The following PLEKHO1 variants were observed in gnomAD, a reference collection of about 807,000 sequenced individuals.
PLEKHO1 encodes pleckstrin homology domain-containing family O member 1.
In PLEKHO1, 22 loss-of-function variants were observed where a neutral mutation model predicts 41.4. The observed-to-expected ratio is 0.53, with a 90% CI of 0.38 to 0.76. PLEKHO1 has a LOEUF of 0.76. Ranked by LOEUF, PLEKHO1 falls within the 30% of genes least tolerant of loss-of-function variation. The pLI is 0.00. For synonymous variants in PLEKHO1, 225 were observed against 210.8 expected (o/e 1.07, Z -0.58); for missense variants, 488 against 518.3 (o/e 0.94, Z 0.57).
rs1163837731 is a variant in PLEKHO1, at chr1:150,159,712, A to C, written c.*189A>C. The C allele has an allele frequency of 1.9e-6, 1 of 515,030 alleles. No homozygotes were observed. The highest frequency in any genetic ancestry group is 1.9e-5 in the African/African-American group (1 of 52,800). The allele number at this position is 515,030 out of a possible 1,614,324, so 31.9% of individuals were successfully genotyped here. A position where few individuals can be genotyped will look rare whatever the true frequency, so the allele number is the denominator to read the frequency against. On this transcript the variant is annotated 3_prime_UTR_variant, in exon 6 of 6. Coordinates refer to ENST00000369124, the MANE Select transcript of PLEKHO1 (RefSeq NM_016274.6). ...TCCATATGCCCCTCGTATGCCCCTC[A>C]GGTTTGAGGAAGTGACCCCGCAGCA...
intron 3 of PLEKHO1, 48 bp from the exon 4 acceptor site, chr1:150,156,863 G>C (rs782804790): frequency 9.6e-7 from 1 of 1,044,410 alleles, no homozygotes; most frequent in South Asian, 1.3e-5. Flanking sequence ...GTCAAGGTGA[G>C]GCACCACCTC....
chr1:150,155,498 A>G (rs757847095), intron 2 of PLEKHO1: 2 of 152,326 alleles, frequency 1.3e-5, no homozygotes, highest in African/African-American at 4.8e-5. Flanking sequence ...TGAAATGAAC[A>G]AGGAAGATGA....
chr1:150,156,328 C>T (rs1660166799), intron 3 of PLEKHO1, 122 bp downstream of exon 3: 1 of 797,662 alleles, frequency 1.3e-6, no homozygotes, highest in East Asian at 2.6e-5. Flanking sequence ...AATTGCTCTC[C>T]TGCTGGCTTT....
chr1:150,158,990 T>G lies in PLEKHO1; in HGVS notation c.697T>G (p.Ser233Ala). Residue 233 changes from serine (S) to alanine (A), a missense_variant, in exon 6 of 6, where the codon TCC (serine) becomes GCC (alanine). By Grantham distance (99) the Ser-to-Ala change is moderately conservative. This residue lies in a region of PLEKHO1 where 337 missense variants were observed against 324.6 expected (regional missense o/e 1.04). Coordinates refer to ENST00000369124, the MANE Select transcript of PLEKHO1 (RefSeq NM_016274.6). The stretch of plus-strand genomic sequence containing the variant: ...AGCGGACTCAGACCGCATCCAGCCC[T>G]CCGCAGACCGGGCAAGCAGTCTCTC... ...RRADSDRIQP[S>A]ADRASSLSRP... 2 of 1,613,840 alleles carry G rather than the reference T, an allele frequency of 1.2e-6. No individual in the cohort carries two copies. Among genetic ancestry groups the G allele is most frequent in the Non-Finnish European group, 1.7e-6 (2 of 1,179,964 alleles).
In PLEKHO1 at chr1:150,159,086, GAGAA is replaced by G. The variant is rs782220761; in HGVS notation, c.796_799del (p.Lys266AlafsTer46). On this transcript the variant is annotated frameshift_variant, in exon 6 of 6. Coordinates refer to ENST00000369124, the MANE Select transcript of PLEKHO1 (RefSeq NM_016274.6). LOFTEE classifies it high-confidence loss of function. ...GGCACCCAAGAAGTTGACGCCCACA[GAGAA>G]AGGCCGCTGCGCCTCCCTGGAGGAG... 2 of 1,614,046 alleles carry G rather than the reference GAGAA, an allele frequency of 1.2e-6. No homozygotes were observed. The highest frequency in any genetic ancestry group is 8.5e-7 in the Non-Finnish European group (1 of 1,179,982).
intron 2 of PLEKHO1, among the ~76,000 whole-genome samples, chr1:150,153,311 C>G (rs922063501): frequency 6.6e-6 from 1 of 152,090 alleles, no homozygotes. Flanking sequence ...CCTCAGCCTC[C>G]GGAGTAGCTG....
intron 5 of PLEKHO1, among the ~76,000 whole-genome samples, chr1:150,158,303 A>G (rs1232831692): frequency 6.6e-6 from 1 of 152,188 alleles, no homozygotes; most frequent in Admixed American, 6.5e-5. Flanking sequence ...ACAGGAAACA[A>G]GTAACAAACT....
At chr1:150,155,824 C>T in intron 2 of PLEKHO1, 1 of 402,278 alleles carries the variant, frequency 2.5e-6, no homozygotes, top group Admixed American at 4.3e-5. Flanking sequence ...GGCAGCCTGG[C>T]TAAGGAGAGT....
Position 150,158,804 on chromosome 1 carries a change from C to G in PLEKHO1, c.526-15C>G, listed in dbSNP as rs781977239. On this transcript the variant is annotated splice_polypyrimidine_tract_variant and intron_variant, in intron 5 of 5. Coordinates refer to ENST00000369124, the MANE Select transcript of PLEKHO1 (RefSeq NM_016274.6). ...TGATGACAGGTTCCCCACTCATTCC[C>G]CCCTTCCTCCACAGGCTTCCACCTC... 2.6e-6 allele frequency: 4 copies of G among 1,563,514 alleles called. No homozygotes were observed. Among genetic ancestry groups the G allele is most frequent in the South Asian group, 1.1e-5 (1 of 88,292 alleles).
At chr1:150,158,301 CAAGT>C (rs1280026604) in intron 5 of PLEKHO1, among the ~76,000 whole-genome samples, 3 of 152,028 alleles carry the variant, frequency 2.0e-5, no homozygotes, top group African/African-American at 4.8e-5. Flanking sequence ...ATACAGGAAA[CAAGT>C]AACAAACTAA....
chr1:150,151,307 C>T (rs1659918492), intron 2 of PLEKHO1, among the ~76,000 whole-genome samples: 1 of 152,196 alleles, frequency 6.6e-6, no homozygotes, highest in Admixed American at 6.5e-5. Flanking sequence ...CAACGATAAG[C>T]CCCTCCCAAG....
chr1:150,159,534 G>A lies in PLEKHO1; in HGVS notation c.*11G>A. On this transcript the variant is annotated 3_prime_UTR_variant, in exon 6 of 6. Transcript: ENST00000369124. ...AAGAGCCTGATGTGAGGGCAGGGTG[G>A]GGTCTGGAACTTGTCGGGTTGGACA... 1.3e-6 allele frequency: 2 copies of A among 1,564,338 alleles called. No homozygotes were observed. Among genetic ancestry groups the A allele is most frequent in the Non-Finnish European group, 1.7e-6 (2 of 1,147,732 alleles).
chr1:150,159,385 G>A lies in PLEKHO1; in HGVS notation c.1092G>A (p.Ser364=), dbSNP rs782463759. The change falls in exon 6 of 6, where the codon TCG becomes TCA. Residue 364 remains serine (S), a synonymous_variant. Coordinates refer to ENST00000369124, the MANE Select transcript of PLEKHO1 (RefSeq NM_016274.6). ...ETERLLGEAS[S]NWSQAKRVLQ... is the part of the protein sequence containing the mutation. ...AACGGCTGCTGGGAGAGGCATCATCGAATTGGAGCCAGGCAAAGAGGGTGC... is the reference window on the plus strand; with the variant it reads ...AACGGCTGCTGGGAGAGGCATCATCAAATTGGAGCCAGGCAAAGAGGGTGC... The A allele has an allele frequency of 4.3e-6, 7 of 1,614,116 alleles. No individual in the cohort carries two copies. The highest frequency in any genetic ancestry group is 1.6e-4 in the Middle Eastern group (1 of 6,062).
In PLEKHO1 at chr1:150,159,665, A is replaced by G; in HGVS notation, c.*142A>G. 3 of 599,674 alleles carry G rather than the reference A, an allele frequency of 5.0e-6. No homozygotes were observed. The highest frequency in any genetic ancestry group is 2.8e-5 in the East Asian group (1 of 35,522). 37.1% of individuals were successfully genotyped at this position (599,674 alleles called of 1,614,324 possible). On this transcript the variant is annotated 3_prime_UTR_variant, in exon 6 of 6. Transcript: ENST00000369124. ...CTTGCTGATGCCTGACCCCACTACA[A>G]CCCTTATTGCCCCACCTACTTTCCA...
rs1659842232 is a variant in PLEKHO1 at position 150,150,337 on chromosome 1, G to T, written c.30+50G>T. On this transcript the variant is annotated intron_variant, in intron 1 of 5. Coordinates refer to ENST00000369124, the MANE Select transcript of PLEKHO1 (RefSeq NM_016274.6). ...GCCGCCGCCGCCTCCGCGCTCTGACGACCCCCGCTCCGTCGGCGCCGCGGC... is the reference window on the plus strand; with the variant it reads ...GCCGCCGCCGCCTCCGCGCTCTGACTACCCCCGCTCCGTCGGCGCCGCGGC... The T allele has an allele frequency of 3.2e-6, 3 of 944,984 alleles. No homozygotes were observed. The South Asian group carries it at 1.3e-4, about 41-fold the overall frequency. 58.5% of individuals were successfully genotyped at this position (944,984 alleles called of 1,614,324 possible). A position where few individuals can be genotyped will look rare whatever the true frequency, so the allele number is the denominator to read the frequency against.
intron 2 of PLEKHO1, chr1:150,152,930 A>G (rs1660013728): frequency 6.6e-6 from 1 of 152,136 alleles, no homozygotes; most frequent in Non-Finnish European, 1.5e-5. Context: ...GAGACAGAGG[A>G]AAGGATGGAA....
intron 5 of PLEKHO1, among the ~76,000 whole-genome samples, chr1:150,158,550 G>C (rs964545441): frequency 5.3e-5 from 8 of 150,804 alleles, no homozygotes; most frequent in Admixed American, 5.3e-4. Flanking sequence ...AGAGCTGGGC[G>C]TGGTGGTGCA....
At chr1:150,153,689 C>T (rs1293495126) in intron 2 of PLEKHO1, 1 of 152,148 alleles carries the variant, frequency 6.6e-6, no homozygotes, top group Non-Finnish European at 1.5e-5. Context: ...AAAGGGCATC[C>T]TCTCTCAAAG....
At position 150,150,909 on chromosome 1, in the gene PLEKHO1, C is replaced by T; in HGVS notation, c.31-3C>T. 1.9e-6 allele frequency: 3 copies of T among 1,613,120 alleles called. No homozygotes were observed. The highest frequency in any genetic ancestry group is 1.7e-6 in the Non-Finnish European group (2 of 1,179,090). The stretch of plus-strand genomic sequence containing the variant: ...GCCCGCTTCTCATCTTGTCCTGGGG[C>T]AGGGACCTCAGGATGGAAACCAGCA... On this transcript the variant is annotated splice_polypyrimidine_tract_variant and splice_region_variant and intron_variant, in intron 1 of 5. Transcript: ENST00000369124.
Sources: allele counts gnomAD v4.1 joint callset (sites outside exome capture counted in the v4.1 genomes callset), GRCh38; gene constraint gnomAD v4.1.1; regional missense constraint gnomAD v4.1.1; transcripts MANE v1.5; gene names NCBI Gene and HGNC (gene_info 2026-07-23, HGNC 2026-07-21).